P3H2: variants seen among roughly 807,000 people sequenced by gnomAD.
P3H2 encodes the protein leprecan-like 1.
Under a neutral mutation model 87.0 loss-of-function variants are expected in P3H2, and 80 were observed. The observed-to-expected ratio is 0.92, with a 90% CI of 0.77 to 1.11. The LOEUF (loss-of-function observed/expected upper bound fraction) is 1.11, where lower values mean the gene tolerates loss of function less well. Among genes scored for constraint, P3H2 ranks in the 50% least tolerant of loss-of-function variants. The pLI, the probability that P3H2 is intolerant of heterozygous loss-of-function variation, is 0.00. For missense variants in P3H2, 1,001 were observed against 923.9 expected (o/e 1.08, Z -1.08); for synonymous variants, 367 against 359.3 (o/e 1.02, Z -0.24).
At chr3:190,016,692 G>A (rs895342532) in intron 1 of P3H2, among the ~76,000 whole-genome samples, 3 of 151,994 alleles carry the variant, frequency 2.0e-5, no homozygotes, top group Non-Finnish European at 2.9e-5. Flanking sequence ...GCTTTTTTCC[G>A]TTGAATCTGA....
rs981803595 is a variant in P3H2, at chr3:190,022,652, C to T, written c.481-27210G>A. Among the ~76,000 whole-genome samples the T allele has an allele frequency of 5.9e-4, 49 of 82,468 alleles. 10 individuals carry two copies. Among genetic ancestry groups the T allele is most frequent in the South Asian group, 4.8e-4 (1 of 2,076 alleles). 54.1% of individuals were successfully genotyped at this position (82,468 alleles called of 152,430 possible). On this transcript the variant is annotated intron_variant, in intron 1 of 14. Coordinates refer to ENST00000319332, the MANE Select transcript of P3H2 (RefSeq NM_018192.4). ...CTAAATAGATCAAAACCCCAAATGC[C>T]TTCAGAGGCGAGGCAGATAATATCA...
At position 189,973,040 on chromosome 3, in the gene P3H2, A is replaced by G. The variant is rs967665181; in HGVS notation, c.1549-16T>C. ...CATAACCAGACTGAAAAAAAAAAAC[A>G]AAACATGAGAAACAAATGGGTTCAT... On this transcript the variant is annotated splice_polypyrimidine_tract_variant and intron_variant, in intron 10 of 14. Coordinates refer to ENST00000319332, the MANE Select transcript of P3H2 (RefSeq NM_018192.4). 38 of 1,607,238 alleles carry G rather than the reference A, an allele frequency of 2.4e-5. No homozygotes were observed. Among genetic ancestry groups the G allele is most frequent in the Non-Finnish European group, 3.2e-5 (38 of 1,177,480 alleles).
intron 1 of P3H2, among the ~76,000 whole-genome samples, chr3:190,069,635 G>T (rs994149793): frequency 5.3e-5 from 8 of 151,974 alleles, no homozygotes; most frequent in Admixed American, 2.0e-4. Flanking sequence ...ACTTTCAGAG[G>T]GCCAGTCAAA....
At chr3:190,079,271 G>A (rs1024622774) in intron 1 of P3H2, among the ~76,000 whole-genome samples, 1 of 151,906 alleles carries the variant, frequency 6.6e-6, no homozygotes, top group Admixed American at 6.6e-5. Flanking sequence ...AACCCAGGAG[G>A]TGGAGGTGGC....
intron 1 of P3H2, among the ~76,000 whole-genome samples, chr3:190,027,946 C>T (rs146780036): frequency 3.8e-4 from 56 of 147,950 alleles, no homozygotes; most frequent in African/African-American, 1.4e-3. Context: ...CTAGCCTGGG[C>T]GACAGAGCAA....
rs557205390 is a variant in P3H2 at position 190,056,709 on chromosome 3, T to G, written c.481-61267A>C. ...GGCTGGATAGCTCAGTCAGAAATGA[T>G]GGAGACTTTTTCTCAGCTGCAGTTA... On this transcript the variant is annotated intron_variant, in intron 1 of 14. Coordinates refer to ENST00000319332, the MANE Select transcript of P3H2 (RefSeq NM_018192.4). Among the ~76,000 whole-genome samples the G allele has an allele frequency of 3.3e-5, 5 of 152,312 alleles. No homozygotes were observed. In the South Asian group the frequency reaches 1.0e-3, roughly 32 times the overall value.
chr3:190,034,995 T>C (rs984673915), intron 1 of P3H2, among the ~76,000 whole-genome samples: 2 of 151,684 alleles, frequency 1.3e-5, no homozygotes, highest in Admixed American at 6.6e-5. Flanking sequence ...ATTACAGGCA[T>C]GTACCACCAC....
intron 1 of P3H2, among the ~76,000 whole-genome samples, chr3:190,108,093 C>T (rs1210841095): frequency 6.6e-6 from 1 of 152,068 alleles, no homozygotes; most frequent in African/African-American, 2.4e-5. Flanking sequence ...AGGCATGAGG[C>T]ATTGTGCCCA....
At chr3:189,991,605 G>T (rs537633438) in intron 3 of P3H2, among the ~76,000 whole-genome samples, 1 of 152,198 alleles carries the variant, frequency 6.6e-6, no homozygotes, top group Non-Finnish European at 1.5e-5. Flanking sequence ...ACAGGACAAG[G>T]CTTTAGCCGA....
At chr3:190,105,749 G>A (rs1711808031) in intron 1 of P3H2, among the ~76,000 whole-genome samples, 1 of 152,126 alleles carries the variant, frequency 6.6e-6, no homozygotes, top group African/African-American at 2.4e-5. Context: ...ATCCACTAAA[G>A]TATTTTAGCA....
chr3:190,120,766 C>A lies in P3H2; in HGVS notation c.-35G>T. 2 of 1,512,888 alleles carry A rather than the reference C, an allele frequency of 1.3e-6. No homozygotes were observed. The highest frequency in any genetic ancestry group is 1.2e-5 in the South Asian group (1 of 81,366). The allele number at this position is 1,512,888 out of a possible 1,614,324, so 93.7% of individuals were successfully genotyped here. A position where few individuals can be genotyped will look rare whatever the true frequency, so the allele number is the denominator to read the frequency against. ...CAGAGAGGCGCGGGACGGTTACGCT[C>A]GAGAGGGCTTCGGGGCACCTCGCGT... On this transcript the variant is annotated 5_prime_UTR_variant, in exon 1 of 15. Transcript: ENST00000319332.
At chr3:190,009,517 G>A (rs1030159641) in intron 1 of P3H2, among the ~76,000 whole-genome samples, 15 of 152,308 alleles carry the variant, frequency 9.8e-5, no homozygotes, top group African/African-American at 3.4e-4. Context: ...TCACACTCCA[G>A]CAGTTCCGTT....
At chr3:190,025,036 G>A (rs1725045605) in intron 1 of P3H2, among the ~76,000 whole-genome samples, 1 of 152,068 alleles carries the variant, frequency 6.6e-6, no homozygotes, top group African/African-American at 2.4e-5. Flanking sequence ...TATACAAGTG[G>A]CACTCTGTCG....
At chr3:190,090,034 C>T (rs771907860) in intron 1 of P3H2, among the ~76,000 whole-genome samples, 5 of 151,938 alleles carry the variant, frequency 3.3e-5, no homozygotes, top group South Asian at 4.2e-4. Context: ...GCACAAAGAC[C>T]GAAGTCAATG....
At position 190,039,693 on chromosome 3, in the gene P3H2, G is replaced by A. The variant is rs541000264; in HGVS notation, c.481-44251C>T. 2.6e-5 allele frequency among the ~76,000 whole-genome samples: 4 copies of A among 152,282 alleles called. No homozygotes were observed. In the South Asian group the frequency reaches 8.3e-4, roughly 32 times the overall value. On this transcript the variant is annotated intron_variant, in intron 1 of 14. Coordinates refer to ENST00000319332, the MANE Select transcript of P3H2 (RefSeq NM_018192.4). Reference sequence around the variant, plus strand: ...ATGCCCACAAACTCTTAAGTAATATGGACTATGATAAATCCCTCCAAAGGT... The same window carrying A: ...ATGCCCACAAACTCTTAAGTAATATAGACTATGATAAATCCCTCCAAAGGT...
intron 1 of P3H2, among the ~76,000 whole-genome samples, chr3:190,036,611 A>G (rs938423723): frequency 1.3e-5 from 2 of 152,224 alleles, no homozygotes; most frequent in African/African-American, 4.8e-5. Flanking sequence ...CAAGACAGAA[A>G]TTAAAACTCA....
In P3H2 at chr3:190,120,509, G is replaced by A. The variant is rs1248249189; in HGVS notation, c.223C>T (p.Arg75Trp). Residue 75 changes from arginine to tryptophan, a missense_variant, in exon 1 of 15, where the codon CGG becomes TGG. Arg to Trp is a moderately radical substitution (Grantham distance 101). Transcript: ENST00000319332. Reference sequence around the variant, plus strand: ...CGCGTGCGGATTTCCCGCAGGCGCCGGTGGCTGCGCAGCGCCGCTTCCAAG... The same window carrying A: ...CGCGTGCGGATTTCCCGCAGGCGCCAGTGGCTGCGCAGCGCCGCTTCCAAG... Reference protein sequence around the residue: ...RDLEAALRSHRRLREIRTRCA... With the variant: ...RDLEAALRSHWRLREIRTRCA... 3.4e-6 allele frequency: 5 copies of A among 1,470,978 alleles called. No homozygotes were observed. The highest frequency in any genetic ancestry group is 4.8e-5 in the Admixed American group (2 of 41,706). 91.1% of individuals were successfully genotyped at this position (1,470,978 alleles called of 1,614,324 possible). A position where few individuals can be genotyped will look rare whatever the true frequency, so the allele number is the denominator to read the frequency against.
intron 1 of P3H2, among the ~76,000 whole-genome samples, chr3:190,070,057 C>T (rs1413996876): frequency 6.6e-6 from 1 of 151,376 alleles, no homozygotes; most frequent in Admixed American, 6.6e-5. Flanking sequence ...GTGCTGATGG[C>T]AATCACGTGG....
In P3H2 at chr3:189,988,820, G is replaced by A. The variant is rs533864109; in HGVS notation, c.955+87C>T. 3.3e-5 allele frequency: 49 copies of A among 1,494,278 alleles called. No individual in the cohort carries two copies. The South Asian group carries it at 4.2e-4, about 13-fold the overall frequency. 92.6% of individuals were successfully genotyped at this position (1,494,278 alleles called of 1,614,324 possible). On this transcript the variant is annotated intron_variant, in intron 4 of 14. Coordinates refer to ENST00000319332, the MANE Select transcript of P3H2 (RefSeq NM_018192.4). ...ATTGCTTTCATAATAAACTGAAGAA[G>A]TCAGAAAACTCAATTACAAAAATGT... is the stretch of plus-strand genomic sequence containing the variant.
Sources: allele counts gnomAD v4.1 joint callset (sites outside exome capture counted in the v4.1 genomes callset), GRCh38; gene constraint gnomAD v4.1.1; transcripts MANE v1.5; gene names NCBI Gene and HGNC (gene_info 2026-07-23, HGNC 2026-07-21).